CNTN4: variants seen among roughly 807,000 people sequenced by gnomAD.
CNTN4 encodes contactin-4.
A neutral mutation model predicts 122.5 loss-of-function variants in CNTN4; 77 were observed. The ratio of observed to expected loss-of-function variants is 0.63; its 90% CI spans 0.52 to 0.76. The LOEUF is 0.76. Ranked by LOEUF, CNTN4 falls within the 30% of genes least tolerant of loss-of-function variation. The pLI, the probability that CNTN4 is intolerant of heterozygous loss-of-function variation, is 0.00. For synonymous variants in CNTN4, 512 were observed against 447.0 expected (o/e 1.15, Z -1.83); for missense variants, 1,256 against 1,259.1 (o/e 1.00, Z 0.04).
rs910704949 is a variant in CNTN4, at chr3:2,303,383, A to G, written c.-144-35795A>G. ...ACTCGTTTCCCCTATTCACTCCCCA[A>G]CCCAGCTCTGGACAACCACTAATCC... On this transcript the variant is annotated intron_variant, in intron 2 of 24. Coordinates refer to ENST00000418658, the MANE Select transcript of CNTN4 (RefSeq NM_175607.3). Among the ~76,000 whole-genome samples, 8 of 152,126 alleles carry G rather than the reference A, an allele frequency of 5.3e-5. No homozygotes were observed. The South Asian group carries it at 1.0e-3, about 20-fold the overall frequency.
At chr3:2,634,683 A>ATATAT (rs2082583235) in intron 4 of CNTN4, among the ~76,000 whole-genome samples, 1 of 135,994 alleles carries the variant, frequency 7.4e-6, no homozygotes, top group African/African-American at 2.9e-5. Context: ...ACAGAAAAAA[A>ATATAT]AAAAATATAT....
chr3:2,840,461 G>A (rs551687477), intron 7 of CNTN4, among the ~76,000 whole-genome samples: 10 of 150,364 alleles, frequency 6.7e-5, no homozygotes, highest in African/African-American at 1.9e-4. Context: ...AGCACTTTGG[G>A]AGGCCGAGGC....
At chr3:2,933,301 G>A (rs2151440346) in intron 13 of CNTN4, among the ~76,000 whole-genome samples, 1 of 152,302 alleles carries the variant, frequency 6.6e-6, no homozygotes, top group South Asian at 2.1e-4. Context: ...GACGTTGTCA[G>A]GGTGAGATTC....
chr3:2,291,381 A>G (rs890388619), intron 2 of CNTN4, among the ~76,000 whole-genome samples: 4 of 152,226 alleles, frequency 2.6e-5, no homozygotes, highest in African/African-American at 7.2e-5. Flanking sequence ...TCATTTAAAA[A>G]TGACAAATAA....
In CNTN4 at chr3:2,146,124, T is replaced by C. The variant is rs559600937; in HGVS notation, c.-145+45485T>C. 3.3e-5 allele frequency among the ~76,000 whole-genome samples: 5 copies of C among 151,798 alleles called. No homozygotes were observed. The East Asian group carries it at 9.7e-4, about 29-fold the overall frequency. On this transcript the variant is annotated intron_variant, in intron 2 of 24. Transcript: ENST00000418658. ...TATTTTATTTTTAAAATAAATGATA[T>C]TTTTTATCTATATTTGAGGGCTATA...
At chr3:3,032,701 G>A (rs543167685) in intron 16 of CNTN4, among the ~76,000 whole-genome samples, 6 of 152,290 alleles carry the variant, frequency 3.9e-5, no homozygotes, top group South Asian at 2.1e-4. Flanking sequence ...TGTAATGGCA[G>A]CCAGAAAGGC....
At chr3:3,006,913 A>T (rs1343516525) in intron 14 of CNTN4, among the ~76,000 whole-genome samples, 1 of 152,132 alleles carries the variant, frequency 6.6e-6, no homozygotes, top group African/African-American at 2.4e-5. Context: ...AATCAATATC[A>T]TTGTGTTTGT....
chr3:2,668,939 G>A (rs1351058489), intron 4 of CNTN4, among the ~76,000 whole-genome samples: 4 of 152,310 alleles, frequency 2.6e-5, no homozygotes, highest in Admixed American at 6.5e-5. Context: ...TAGGGATGAA[G>A]CCCACTTGAT....
intron 3 of CNTN4, among the ~76,000 whole-genome samples, chr3:2,364,575 C>G (rs1031253810): frequency 6.6e-6 from 1 of 151,898 alleles, no homozygotes; most frequent in Admixed American, 6.6e-5. Flanking sequence ...TTCTAGATCT[C>G]TTTTAATCTA....
At chr3:2,103,081 T>C (rs1484251431) in intron 2 of CNTN4, among the ~76,000 whole-genome samples, 1 of 152,128 alleles carries the variant, frequency 6.6e-6, no homozygotes, top group African/African-American at 2.4e-5. Context: ...TGAGGAAAAC[T>C]AGGCATAGAG....
chr3:2,654,352 G>T (rs2150223212), intron 4 of CNTN4, among the ~76,000 whole-genome samples: 1 of 152,270 alleles, frequency 6.6e-6, no homozygotes, highest in South Asian at 2.1e-4. Context: ...GGGCCTAAAA[G>T]GGAATGTTAT....
At position 2,191,369 on chromosome 3, in the gene CNTN4, A is replaced by G. The variant is rs546630157; in HGVS notation, c.-145+90730A>G. ...ACCATTACTGATCAGTATAGCCCCT[A>G]CATTAAAGGTTTTATAAGTGATACA... On this transcript the variant is annotated intron_variant, in intron 2 of 24. Coordinates refer to ENST00000418658, the MANE Select transcript of CNTN4 (RefSeq NM_175607.3). Among the ~76,000 whole-genome samples, 73 of 152,058 alleles carry G rather than the reference A, an allele frequency of 4.8e-4. 1 individual carries two copies. The highest frequency in any genetic ancestry group is 1.6e-3 in the African/African-American group (68 of 41,470).
At position 2,517,073 on chromosome 3, in the gene CNTN4, A is replaced by G. The variant is rs76998031; in HGVS notation, c.-88-54343A>G. On this transcript the variant is annotated intron_variant, in intron 3 of 24. Coordinates refer to ENST00000418658, the MANE Select transcript of CNTN4 (RefSeq NM_175607.3). Reference sequence around the variant, plus strand: ...GTGTAAGGACATTGGGACTAATTCAAAAATATTTTGCATAGGTATTGCTAA... The same window carrying G: ...GTGTAAGGACATTGGGACTAATTCAGAAATATTTTGCATAGGTATTGCTAA... 8.5e-3 allele frequency among the ~76,000 whole-genome samples: 1,299 copies of G among 152,280 alleles called. 18 individuals are homozygous for G. The highest frequency in any genetic ancestry group is 0.03 in the African/African-American group (1,245 of 41,564).
chr3:2,924,646 A>G (rs2094456873), intron 12 of CNTN4, among the ~76,000 whole-genome samples: 1 of 152,202 alleles, frequency 6.6e-6, no homozygotes, highest in East Asian at 1.9e-4. Context: ...CCATAGGACT[A>G]TGTTACTGGT....
chr3:2,761,512 A>C (rs2090590978), intron 6 of CNTN4, among the ~76,000 whole-genome samples: 1 of 151,882 alleles, frequency 6.6e-6, no homozygotes, highest in African/African-American at 2.4e-5. Context: ...GTAGATGTAC[A>C]TTAACATGTG....
At chr3:2,357,870 ATAC>A (rs1228425396) in intron 3 of CNTN4, among the ~76,000 whole-genome samples, 1 of 152,220 alleles carries the variant, frequency 6.6e-6, no homozygotes, top group Non-Finnish European at 1.5e-5. Context: ...GTAAATTTAA[ATAC>A]TGGGGTACTC....
At chr3:2,838,808 T>A (rs2093288064) in intron 7 of CNTN4, among the ~76,000 whole-genome samples, 2 of 152,180 alleles carry the variant, frequency 1.3e-5, no homozygotes, top group African/African-American at 4.8e-5. Flanking sequence ...AACTACTCTA[T>A]GACTTTCTCC....
At chr3:2,433,082 T>TAG (rs2048136034) in intron 3 of CNTN4, among the ~76,000 whole-genome samples, 1 of 152,118 alleles carries the variant, frequency 6.6e-6, no homozygotes, top group African/African-American at 2.4e-5. Context: ...CTCAGCCACA[T>TAG]AAAGTGCTGG....
intron 12 of CNTN4, among the ~76,000 whole-genome samples, chr3:2,905,152 G>A (rs924196039): frequency 7.9e-5 from 12 of 152,162 alleles, no homozygotes; most frequent in Non-Finnish European, 1.5e-4. Context: ...ACATTAAGGA[G>A]TTTATTTAAA....
Sources: gnomAD v4.1 joint callset for allele counts (sites outside exome capture counted in the v4.1 genomes callset) on GRCh38, gnomAD v4.1.1 for gene constraint, MANE v1.5 for transcripts, NCBI Gene and HGNC (gene_info 2026-07-23, HGNC 2026-07-21) for gene names.